ANKRD12: variants seen among roughly 807,000 people sequenced by gnomAD.
The protein encoded by ANKRD12 is ankyrin repeat domain 12, also known as ankyrin repeat domain-containing protein 12.
ANKRD12 carries 85 observed loss-of-function variants against 183.4 expected under a neutral mutation model. The observed-to-expected ratio is 0.46, with a 90% CI of 0.39 to 0.56. The LOEUF (loss-of-function observed/expected upper bound fraction) is 0.56, where lower values mean the gene tolerates loss of function less well. ANKRD12 is among the 20% of genes least tolerant of loss of function. The pLI is 0.00. For synonymous variants in ANKRD12, 914 were observed against 800.2 expected, an observed-to-expected ratio of 1.14 and a Z score of -2.40; for missense variants, 2,405 against 2,357.1, an observed-to-expected ratio of 1.02 and a Z score of -0.42.
chr18:9,271,302 C>T (rs563461905), intron 10 of ANKRD12, among the ~76,000 whole-genome samples: 3 of 152,100 alleles, frequency 2.0e-5, no homozygotes, highest in Non-Finnish European at 4.4e-5. Context: ...CTTTGGAAGG[C>T]TGAGGCAGGT....
At chr18:9,143,536 C>T (rs2078391994) in intron 1 of ANKRD12, among the ~76,000 whole-genome samples, 1 of 152,156 alleles carries the variant, frequency 6.6e-6, no homozygotes, top group South Asian at 2.1e-4. Flanking sequence ...TCTTGGCGTA[C>T]TGCAACCTCC....
At chr18:9,202,943 A>ATTTTTGAATTAAC (rs2035262217) in intron 3 of ANKRD12, among the ~76,000 whole-genome samples, 1 of 152,246 alleles carries the variant, frequency 6.6e-6, no homozygotes, top group African/African-American at 2.4e-5. Context: ...CTGGTAAACT[A>ATTTTTGAATTAAC]CATTAATATA....
chr18:9,172,895 T>TG (rs374742087), intron 1 of ANKRD12, among the ~76,000 whole-genome samples: 8 of 151,880 alleles, frequency 5.3e-5, no homozygotes, highest in African/African-American at 1.9e-4. Context: ...TTTTTTTGTT[T>TG]TTTGTTTTTT....
chr18:9,258,723 C>G lies in ANKRD12; in HGVS notation c.5456C>G (p.Ser1819Cys). 1.2e-6 allele frequency: 2 copies of G among 1,613,862 alleles called. No homozygotes were observed. The highest frequency in any genetic ancestry group is 8.5e-7 in the Non-Finnish European group (1 of 1,179,900). Residue 1819 changes from serine (S) to cysteine (C), a missense_variant, in exon 9 of 13, where the codon TCT becomes TGT. This residue lies in a region of ANKRD12 where 1,983 missense variants were observed against 1,725.9 expected (regional missense o/e 1.15). Transcript: ENST00000262126. ...CAATCTCTGGCAGCCATTGTAGATT[C>G]TCTAAAACTAGATGAGATTCAGCCA... ...TQQSLAAIVD[S>C]LKLDEIQPYS...
Position 9,254,299 on chromosome 18 carries a change from T to C in ANKRD12, c.1032T>C (p.Ser344=), listed in dbSNP as rs2038470471. The C allele has an allele frequency of 6.2e-7, 1 of 1,612,614 alleles. No homozygotes were observed. The highest frequency in any genetic ancestry group is 8.5e-7 in the Non-Finnish European group (1 of 1,179,414). ...ETEKDSLICE[S]KQILPSKTPL... is the part of the protein sequence containing the mutation. ...AGAAAGACTCTCTCATCTGTGAAAG[T>C]AAACAGATACTTCCCAGTAAAACAC... The change falls in exon 9 of 13, where the codon AGT becomes AGC. Residue 344 remains serine, a synonymous_variant. Transcript: ENST00000262126.
chr18:9,209,122 C>T lies in ANKRD12; in HGVS notation c.451+319C>T, dbSNP rs183272271. On this transcript the variant is annotated intron_variant, in intron 5 of 12. Coordinates refer to ENST00000262126, the MANE Select transcript of ANKRD12 (RefSeq NM_015208.5). The stretch of plus-strand genomic sequence containing the variant: ...CATTTTATATTTCATGTCACATTTC[C>T]AGCTAAGGTGTTGTGCCACATGTAT... Among the ~76,000 whole-genome samples the T allele has an allele frequency of 1.7e-3, 265 of 152,214 alleles. 2 individuals are homozygous for T. The highest frequency in any genetic ancestry group is 1.4e-3 in the Non-Finnish European group (93 of 68,002).
chr18:9,280,355 C>T (rs1044577095), intron 12 of ANKRD12, among the ~76,000 whole-genome samples: 3 of 152,182 alleles, frequency 2.0e-5, no homozygotes, highest in South Asian at 2.1e-4. Flanking sequence ...TCACCTCCTG[C>T]GGTGTGGCCC....
rs530685345 is a variant in ANKRD12, at chr18:9,229,170, G to C, written c.943+7171G>C. 5.5e-4 allele frequency among the ~76,000 whole-genome samples: 84 copies of C among 152,188 alleles called. 3 individuals are homozygous for C. The South Asian group carries it at 0.017, about 32-fold the overall frequency. ...TCTCTGTTCTGTTTCATTGGTCTCT[G>C]TGTCTGTTTTTATACCAACACTGTG... On this transcript the variant is annotated intron_variant, in intron 8 of 12. Transcript: ENST00000262126.
chr18:9,255,391 T>A lies in ANKRD12; in HGVS notation c.2124T>A (p.Asp708Glu). 3 of 1,594,608 alleles carry A rather than the reference T, an allele frequency of 1.9e-6. No individual in the cohort carries two copies. The highest frequency in any genetic ancestry group is 2.6e-6 in the Non-Finnish European group (3 of 1,174,518). ...TTTTTAAAAGTGATGAAACTGAAGATCTCTTTTTAAATATGGAACATGAAT... is the reference window on the plus strand; with the variant it reads ...TTTTTAAAAGTGATGAAACTGAAGAACTCTTTTTAAATATGGAACATGAAT... ...ENFFKSDETE[D>E]LFLNMEHESL... The change falls in exon 9 of 13, where the codon GAT becomes GAA. Residue 708 changes from aspartate (D) to glutamate (E), a missense_variant. Physicochemically the swap from Asp to Glu is conservative, Grantham distance 45 (BLOSUM62 2). Around this residue, in one of 7 missense-constraint regions of ANKRD12, gnomAD observed 1,983 missense variants for 1,725.9 expected, o/e 1.15. Transcript: ENST00000262126.
Position 9,257,573 on chromosome 18 carries a change from T to C in ANKRD12, c.4306T>C (p.Cys1436Arg), listed in dbSNP as rs749683467. Reference protein sequence around the residue: ...LETLSTRDFICPNSNIPDQES... With the variant: ...LETLSTRDFIRPNSNIPDQES... ...GACATTAAGCACCAGAGACTTTATC[T>C]GCCCAAATTCTAACATACCTGATCA... Residue 1436 changes from cysteine (C) to arginine (R), a missense_variant, in exon 9 of 13, where the codon TGC becomes CGC. Cys to Arg is a radical substitution (Grantham distance 180). Transcript: ENST00000262126. 1 of 1,614,106 alleles carries C rather than the reference T, an allele frequency of 6.2e-7. No individual in the cohort carries two copies. Among genetic ancestry groups the C allele is most frequent in the South Asian group, 1.1e-5 (1 of 91,088 alleles).
chr18:9,254,673 A>C lies in ANKRD12; in HGVS notation c.1406A>C (p.Lys469Thr). The C allele has an allele frequency of 6.5e-7, 1 of 1,542,788 alleles. No individual in the cohort carries two copies. Among genetic ancestry groups the C allele is most frequent in the Non-Finnish European group, 8.7e-7 (1 of 1,148,182 alleles). The change falls in exon 9 of 13, where the codon AAA becomes ACA. Residue 469 changes from lysine (K) to threonine (T), a missense_variant. This residue lies in a region of ANKRD12 where 1,983 missense variants were observed against 1,725.9 expected (regional missense o/e 1.15). Transcript: ENST00000262126. ...EYVVSGEHKQKGKVKRKLKNQ... is the reference protein window; with the variant it reads ...EYVVSGEHKQTGKVKRKLKNQ... ...GTAGTTTCAGGTGAACACAAACAGA[A>C]AGGCAAAGTTAAAAGAAAATTGAAA...
chr18:9,264,829 C>CT (rs1232324493), intron 10 of ANKRD12, among the ~76,000 whole-genome samples: 1 of 152,210 alleles, frequency 6.6e-6, no homozygotes, highest in African/African-American at 2.4e-5. Context: ...TACAGAAAGT[C>CT]TTGCCACCTT....
intron 1 of ANKRD12, among the ~76,000 whole-genome samples, chr18:9,138,810 T>A (rs1173411992): frequency 6.6e-6 from 1 of 152,170 alleles, no homozygotes; most frequent in East Asian, 1.9e-4. Context: ...CCCCTGGAGA[T>A]TATAGACAAG....
At chr18:9,156,383 A>G (rs933512895) in intron 1 of ANKRD12, among the ~76,000 whole-genome samples, 7 of 152,190 alleles carry the variant, frequency 4.6e-5, no homozygotes, top group African/African-American at 1.7e-4. Context: ...GCTGTACAAT[A>G]AAAACAGTAC....
chr18:9,189,331 G>GGAAA (rs1440572604), intron 2 of ANKRD12, among the ~76,000 whole-genome samples: 2 of 152,202 alleles, frequency 1.3e-5, no homozygotes, highest in African/African-American at 4.8e-5. Context: ...TGAGGTTTAA[G>GGAAA]GAAAGAAGCT....
intron 7 of ANKRD12, among the ~76,000 whole-genome samples, chr18:9,221,618 A>T (rs905058874): frequency 6.6e-6 from 1 of 152,178 alleles, no homozygotes; most frequent in Non-Finnish European, 1.5e-5. Context: ...TGCTAAAATA[A>T]CCCAGTTTAA....
At chr18:9,270,012 A>G (rs2039509415) in intron 10 of ANKRD12, among the ~76,000 whole-genome samples, 1 of 152,262 alleles carries the variant, frequency 6.6e-6, no homozygotes, top group Non-Finnish European at 1.5e-5. Flanking sequence ...ACATGAAAAA[A>G]TGCTCATCAT....
intron 1 of ANKRD12, among the ~76,000 whole-genome samples, chr18:9,163,269 A>T (rs2031658829): frequency 6.6e-6 from 1 of 152,208 alleles, no homozygotes; most frequent in South Asian, 2.1e-4. Flanking sequence ...ATGGCTACCC[A>T]GCTCTCCTAA....
At chr18:9,265,841 C>G (rs939590931) in intron 10 of ANKRD12, among the ~76,000 whole-genome samples, 1 of 151,996 alleles carries the variant, frequency 6.6e-6, no homozygotes, top group South Asian at 2.1e-4. Flanking sequence ...GGAGGAAGTT[C>G]GAACCCATGG....
Sources: gnomAD v4.1 joint callset for allele counts (sites outside exome capture counted in the v4.1 genomes callset) on GRCh38, gnomAD v4.1.1 for gene constraint, gnomAD v4.1.1 regional missense constraint, MANE v1.5 for transcripts, NCBI Gene and HGNC (gene_info 2026-07-23, HGNC 2026-07-21) for gene names.